The following ZFAND4 variants were observed in gnomAD, a reference collection of about 807,000 sequenced individuals.
ZFAND4 encodes zinc finger AN1-type containing 4.
Under a neutral mutation model 64.4 loss-of-function variants are expected in ZFAND4, and 43 were observed. That is an observed-to-expected ratio of 0.67 (90% CI 0.52 to 0.86). The LOEUF (loss-of-function observed/expected upper bound fraction) is 0.86, where lower values mean the gene tolerates loss of function less well. Among genes scored for constraint, ZFAND4 ranks in the 40% least tolerant of loss-of-function variants. The probability of loss-of-function intolerance (pLI) is 0.00; values close to 1 mark genes in which losing one functional copy is unlikely to be tolerated. For synonymous variants in ZFAND4, 296 were observed against 305.7 expected (o/e 0.97, Z 0.33); for missense variants, 929 against 859.8 (o/e 1.08, Z -1.01).
chr10:45,664,821 C>G (rs1389981216), intron 1 of ZFAND4, among the ~76,000 whole-genome samples: 4 of 151,962 alleles, frequency 2.6e-5, no homozygotes, highest in Admixed American at 6.6e-5. Context: ...GTCCCAGCTA[C>G]TTGGGAGGCT....
chr10:45,640,119 G>T, intron 5 of ZFAND4, 156 bp from the exon 6 acceptor site: 2 of 1,269,054 alleles, frequency 1.6e-6, no homozygotes, highest in South Asian at 1.8e-5. Flanking sequence ...TTCAAAGAAT[G>T]TACTTCTTAA....
intron 1 of ZFAND4, among the ~76,000 whole-genome samples, chr10:45,671,150 G>A (rs1330685013): frequency 6.6e-6 from 1 of 152,186 alleles, no homozygotes; most frequent in East Asian, 1.9e-4. Flanking sequence ...ACACCAGTTA[G>A]AATGGCGATC....
intron 6 of ZFAND4, among the ~76,000 whole-genome samples, chr10:45,628,036 C>A (rs2045957345): frequency 6.6e-6 from 1 of 152,064 alleles, no homozygotes; most frequent in South Asian, 2.1e-4. Flanking sequence ...GTCTTGGTGC[C>A]CTCTGGCATG....
chr10:45,622,995 C>G (rs1417268144), intron 8 of ZFAND4, among the ~76,000 whole-genome samples: 2 of 152,026 alleles, frequency 1.3e-5, no homozygotes, highest in African/African-American at 2.4e-5. Context: ...ATTAGGAAAT[C>G]AACTTCACTA....
intron 2 of ZFAND4, among the ~76,000 whole-genome samples, chr10:45,660,320 AAAAT>A (rs990029675): frequency 6.6e-6 from 1 of 151,972 alleles, no homozygotes; most frequent in African/African-American, 2.4e-5. Flanking sequence ...ATCCCATCTC[AAAAT>A]AAATAAATAA....
chr10:45,666,013 A>C (rs973848265), intron 1 of ZFAND4, among the ~76,000 whole-genome samples: 1 of 152,218 alleles, frequency 6.6e-6, no homozygotes, highest in African/African-American at 2.4e-5. Flanking sequence ...TGTTACATAT[A>C]GTGCTAAGAT....
Position 45,631,384 on chromosome 10 carries a change from AT to A in ZFAND4, c.718-4280del, listed in dbSNP as rs552257609. On this transcript the variant is annotated intron_variant, in intron 6 of 9. Transcript: ENST00000344646. ...AAATAAAGTACTAAAAAAAAAAAAC[AT>A]ATAAATTCTAAGAAATAATCCTGAA... is the stretch of plus-strand genomic sequence containing the variant. Among the ~76,000 whole-genome samples, 334 of 142,466 alleles carry A rather than the reference AT, an allele frequency of 2.3e-3. 1 individual carries two copies. The highest frequency in any genetic ancestry group is 9.5e-3 in the African/African-American group (319 of 33,534). 93.5% of individuals were successfully genotyped at this position (142,466 alleles called of 152,430 possible). A position where few individuals can be genotyped will look rare whatever the true frequency, so the allele number is the denominator to read the frequency against.
chr10:45,663,583 T>C lies in ZFAND4; in HGVS notation c.143A>G (p.Glu48Gly), dbSNP rs1229351437. 10 of 1,605,830 alleles carry C rather than the reference T, an allele frequency of 6.2e-6. No homozygotes were observed. The highest frequency in any genetic ancestry group is 8.5e-6 in the Non-Finnish European group (10 of 1,177,950). The stretch of plus-strand genomic sequence containing the variant: ...TTTTGCTTTCACAGAAATAACAGTT[T>C]CAAAAGGTGAAACTCTCAGCTCAAA... ...TCFELRVSPF[E>G]TVISVKAKIR... The change falls in exon 2 of 10, where the codon GAA becomes GGA. Residue 48 changes from glutamate to glycine, a missense_variant. Glu to Gly is a moderately conservative substitution (Grantham distance 98). Coordinates refer to ENST00000344646, the MANE Select transcript of ZFAND4 (RefSeq NM_174890.4).
chr10:45,641,119 G>C (rs902442153), intron 5 of ZFAND4, among the ~76,000 whole-genome samples: 2 of 152,158 alleles, frequency 1.3e-5, no homozygotes, highest in African/African-American at 4.8e-5. Flanking sequence ...TTTATCTTCT[G>C]AGTCTGCACC....
At chr10:45,624,055 T>C (rs1589248612) in intron 8 of ZFAND4, among the ~76,000 whole-genome samples, 1 of 152,198 alleles carries the variant, frequency 6.6e-6, no homozygotes, top group Admixed American at 6.5e-5. Flanking sequence ...GACTGGCCGG[T>C]GCATCTTTAA....
chr10:45,654,668 G>A (rs1477645532), intron 2 of ZFAND4, among the ~76,000 whole-genome samples: 1 of 150,788 alleles, frequency 6.6e-6, no homozygotes, highest in East Asian at 1.9e-4. Context: ...TAGTATTTGA[G>A]GCCTAAAATG....
chr10:45,630,741 G>A (rs1365089578), intron 6 of ZFAND4, among the ~76,000 whole-genome samples: 1 of 150,632 alleles, frequency 6.6e-6, no homozygotes, highest in African/African-American at 2.4e-5. Flanking sequence ...CAAAAATACT[G>A]AGGAAAGGTA....
chr10:45,671,707 A>T (rs1246247421), intron 1 of ZFAND4, among the ~76,000 whole-genome samples: 17 of 152,188 alleles, frequency 1.1e-4, no homozygotes, highest in Non-Finnish European at 2.9e-5. Flanking sequence ...GGGGAGGGAT[A>T]GCATTAAGAG....
intron 8 of ZFAND4, among the ~76,000 whole-genome samples, chr10:45,620,015 A>G (rs1031096959): frequency 1.3e-5 from 2 of 152,238 alleles, no homozygotes; most frequent in Non-Finnish European, 2.9e-5. Context: ...CAAGATGTCC[A>G]ATGAATGTTA....
chr10:45,619,415 A>G (rs2133504507), intron 8 of ZFAND4, among the ~76,000 whole-genome samples: 1 of 152,306 alleles, frequency 6.6e-6, no homozygotes, highest in East Asian at 1.9e-4. Context: ...CCCCAGTCAT[A>G]AGCAGAGAGG....
chr10:45,618,742 A>G (rs1322828367), intron 8 of ZFAND4, among the ~76,000 whole-genome samples: 3 of 152,196 alleles, frequency 2.0e-5, no homozygotes, highest in Non-Finnish European at 2.9e-5. Flanking sequence ...CAAGTCATTT[A>G]TTCTTTCAAA....
chr10:45,648,576 G>GT, intron 4 of ZFAND4, 42 bp from the exon 5 acceptor site: 1 of 1,563,070 alleles, frequency 6.4e-7, no homozygotes, highest in South Asian at 1.2e-5. Flanking sequence ...TTTGGATCAA[G>GT]TTTTATGCAT....
At position 45,655,903 on chromosome 10, in the gene ZFAND4, G is replaced by C. The variant is rs139222459; in HGVS notation, c.185-2844C>G. On this transcript the variant is annotated intron_variant, in intron 2 of 9. Transcript: ENST00000344646. Reference sequence around the variant, plus strand: ...AAACAACAAAAAAAGCCCAGGGCCAGATGGATTCACAGACAAATTCTACCA... The same window carrying C: ...AAACAACAAAAAAAGCCCAGGGCCACATGGATTCACAGACAAATTCTACCA... 5.6e-3 allele frequency among the ~76,000 whole-genome samples: 852 copies of C among 152,292 alleles called. 6 individuals carry two copies. The highest frequency in any genetic ancestry group is 8.7e-3 in the Non-Finnish European group (592 of 68,024).
At position 45,625,968 on chromosome 10, in the gene ZFAND4, G is replaced by A. The variant is rs1554828646; in HGVS notation, c.1855C>T (p.His619Tyr). 1.2e-6 allele frequency: 2 copies of A among 1,613,978 alleles called. No homozygotes were observed. The highest frequency in any genetic ancestry group is 1.1e-5 in the South Asian group (1 of 91,058). The change falls in exon 7 of 10, where the codon CAT (histidine) becomes TAT (tyrosine). Residue 619 changes from histidine to tyrosine, a missense_variant. By Grantham distance (83) the His-to-Tyr change is moderately conservative (BLOSUM62 2). Transcript: ENST00000344646. ...ATACTGACCAAAAAAACTCCTGTAT[G>A]TTCTAACTGGGGAGAACTTTTCCTA... ...NFRKSSPQLEHTGVFLSTHGV... is the reference protein window; with the variant it reads ...NFRKSSPQLEYTGVFLSTHGV...
Sources: allele counts gnomAD v4.1 joint callset (sites outside exome capture counted in the v4.1 genomes callset), GRCh38; gene constraint gnomAD v4.1.1; transcripts MANE v1.5; gene names NCBI Gene and HGNC (gene_info 2026-07-23, HGNC 2026-07-21).